The following MYT1L variants were observed in gnomAD, a reference collection of about 807,000 sequenced individuals.
MYT1L encodes the protein myelin transcription factor 1 like, also known as myelin transcription factor 1-like protein.
MYT1L carries 12 observed loss-of-function variants against 126.7 expected under a neutral mutation model. The observed-to-expected ratio is 0.09, with a 90% CI of 0.06 to 0.15. MYT1L has a LOEUF of 0.15. MYT1L is among the 10% of genes least tolerant of loss of function. MYT1L has a pLI of 1.00. For synonymous variants in MYT1L, 541 were observed against 604.2 expected, an observed-to-expected ratio of 0.90 and a Z score of 1.53; for missense variants, 979 against 1,585.2, an observed-to-expected ratio of 0.62 and a Z score of 6.49.
intron 1 of MYT1L, among the ~76,000 whole-genome samples, chr2:2,316,470 T>A (rs969017847): frequency 1.3e-4 from 20 of 152,202 alleles, no homozygotes; most frequent in Non-Finnish European, 1.9e-4. Context: ...AGGTAAGACA[T>A]AAAGCCAATG....
At chr2:2,084,300 G>A (rs2076144803) in intron 3 of MYT1L, among the ~76,000 whole-genome samples, 1 of 152,238 alleles carries the variant, frequency 6.6e-6, no homozygotes, top group South Asian at 2.1e-4. Flanking sequence ...AAGGGAGCAG[G>A]CAGCTCTTCC....
chr2:2,068,769 G>T (rs920980459), intron 3 of MYT1L, among the ~76,000 whole-genome samples: 636 of 25,976 alleles, frequency 0.024, 4 homozygotes, highest in Admixed American at 0.033. Flanking sequence ...TGTTCTTCTT[G>T]TTTTTTTTTT....
intron 3 of MYT1L, among the ~76,000 whole-genome samples, chr2:2,085,817 CCT>C (rs1184247209): frequency 6.6e-6 from 1 of 152,174 alleles, no homozygotes; most frequent in African/African-American, 2.4e-5. Context: ...CCCACACGCA[CCT>C]CTCTCTGAGA....
chr2:1,992,440 T>A (rs1425213059), intron 5 of MYT1L, among the ~76,000 whole-genome samples: 1 of 152,124 alleles, frequency 6.6e-6, no homozygotes, highest in Non-Finnish European at 1.5e-5. Context: ...AGTCCCCAGG[T>A]GCTCCCCTCC....
intron 3 of MYT1L, among the ~76,000 whole-genome samples, chr2:2,136,610 T>C (rs1044660406): frequency 6.6e-6 from 1 of 152,236 alleles, no homozygotes; most frequent in African/African-American, 2.4e-5. Flanking sequence ...GTTCTTTCTC[T>C]ATTAATTTTT....
At chr2:2,223,267 T>C (rs936309253) in intron 2 of MYT1L, among the ~76,000 whole-genome samples, 1 of 152,182 alleles carries the variant, frequency 6.6e-6, no homozygotes, top group Admixed American at 6.5e-5. Flanking sequence ...AATATTAGAA[T>C]ATAAAAAAAT....
At chr2:2,326,786 T>C (rs2096250221) in intron 1 of MYT1L, 1 of 152,224 alleles carries the variant, frequency 6.6e-6, no homozygotes, top group African/African-American at 2.4e-5. Flanking sequence ...GAGGACTCAT[T>C]ATGATGTCAA....
chr2:2,113,119 C>T (rs561287403), intron 3 of MYT1L, among the ~76,000 whole-genome samples: 1 of 152,202 alleles, frequency 6.6e-6, no homozygotes, highest in Non-Finnish European at 1.5e-5. Flanking sequence ...TCCTAATAAC[C>T]TTGTCTCCCA....
rs186580952 is a variant in MYT1L, at chr2:2,229,218, C to T, written c.-421+55186G>A. On this transcript the variant is annotated intron_variant, in intron 2 of 24. Coordinates refer to ENST00000647738, the MANE Select transcript of MYT1L (RefSeq NM_001303052.2). ...ACATTTGAAATGAGTTCTTCATATA[C>T]AAAAATGATATCTTTATTAACTTTT... 1.8e-4 allele frequency among the ~76,000 whole-genome samples: 28 copies of T among 152,208 alleles called. No individual in the cohort carries two copies. The East Asian group carries it at 5.4e-3, about 29-fold the overall frequency.
chr2:2,134,958 T>G (rs546156842), intron 3 of MYT1L, among the ~76,000 whole-genome samples: 31 of 152,300 alleles, frequency 2.0e-4, no homozygotes, highest in African/African-American at 7.2e-4. Flanking sequence ...GCCTTCTTGC[T>G]TTCAAGTCTC....
chr2:2,207,665 A>G (rs1335851250), intron 2 of MYT1L, among the ~76,000 whole-genome samples: 2 of 152,204 alleles, frequency 1.3e-5, no homozygotes, highest in Non-Finnish European at 2.9e-5. Context: ...GAGGCCCTAC[A>G]GTGAGACAAG....
intron 3 of MYT1L, among the ~76,000 whole-genome samples, chr2:2,092,835 G>C (rs895100047): frequency 1.3e-5 from 2 of 152,196 alleles, no homozygotes; most frequent in African/African-American, 2.4e-5. Context: ...GTGACACACA[G>C]AGCAGTAACC....
At chr2:2,015,844 G>A (rs1041744962) in intron 4 of MYT1L, among the ~76,000 whole-genome samples, 1 of 152,170 alleles carries the variant, frequency 6.6e-6, no homozygotes, top group South Asian at 2.1e-4. Flanking sequence ...CTATCTTGCA[G>A]ATGTTGTGTA....
chr2:1,878,986 C>T (rs536289586), intron 18 of MYT1L, among the ~76,000 whole-genome samples: 25 of 152,078 alleles, frequency 1.6e-4, no homozygotes, highest in Non-Finnish European at 3.2e-4. Context: ...TGCAAAAAAA[C>T]AATACAAGAG....
chr2:1,791,461 T>C lies in MYT1L; in HGVS notation c.*406A>G. On this transcript the variant is annotated 3_prime_UTR_variant, in exon 25 of 25. Transcript: ENST00000647738. This position sits in a 1 kb window ranked among gnomAD's most constrained non-coding sequence, Gnocchi z 6.0. ...GCCACAACATGATCATTCAAAGCTG[T>C]GGGTCTGTGTGTGCGTGTGTGTGTT... 2.8e-6 allele frequency: 1 copy of C among 360,218 alleles called. No individual in the cohort carries two copies. Among genetic ancestry groups the C allele is most frequent in the Non-Finnish European group, 5.4e-6 (1 of 183,998 alleles). 22.3% of individuals were successfully genotyped at this position (360,218 alleles called of 1,614,324 possible).
intron 3 of MYT1L, among the ~76,000 whole-genome samples, chr2:2,101,196 AT>A (rs201519756): frequency 0.013 from 1,957 of 151,226 alleles, 35 homozygotes; most frequent in African/African-American, 0.04. Flanking sequence ...TTTACATCAT[AT>A]TTTTTTTTAA....
chr2:2,098,302 C>A (rs764556841), intron 3 of MYT1L, among the ~76,000 whole-genome samples: 34 of 152,086 alleles, frequency 2.2e-4, no homozygotes, highest in Non-Finnish European at 4.0e-4. Flanking sequence ...TTCAACAACA[C>A]CAATAATTTA....
chr2:2,126,549 G>T lies in MYT1L; in HGVS notation c.-304+46323C>A, dbSNP rs572741507. On this transcript the variant is annotated intron_variant, in intron 3 of 24. Transcript: ENST00000647738. ...GTGGGTAGGGATTGGCGAGCCTGAGGCAGTCAACACAAGTGTTCTGATCAG... is the reference window on the plus strand; with the variant it reads ...GTGGGTAGGGATTGGCGAGCCTGAGTCAGTCAACACAAGTGTTCTGATCAG... Among the ~76,000 whole-genome samples the T allele has an allele frequency of 3.3e-5, 5 of 152,256 alleles. No homozygotes were observed. The East Asian group carries it at 9.7e-4, about 29-fold the overall frequency.
chr2:1,964,947 C>T (rs970564952), intron 8 of MYT1L, among the ~76,000 whole-genome samples: 7 of 152,222 alleles, frequency 4.6e-5, no homozygotes, highest in South Asian at 2.1e-4. Context: ...CAGCACTCAC[C>T]AAGCAATCCT....
Sources: allele counts gnomAD v4.1 joint callset (sites outside exome capture counted in the v4.1 genomes callset), GRCh38; gene constraint gnomAD v4.1.1; non-coding constraint Gnocchi (gnomAD v3.1); transcripts MANE v1.5; gene names NCBI Gene and HGNC (gene_info 2026-07-23, HGNC 2026-07-21).